HAAO: variants seen among roughly 807,000 people sequenced by gnomAD.
HAAO encodes the protein 3-hydroxyanthranilate oxygenase.
A neutral mutation model predicts 46.2 loss-of-function variants in HAAO; 49 were observed. The ratio of observed to expected loss-of-function variants is 1.06; its 90% CI spans 0.84 to 1.34. The LOEUF (loss-of-function observed/expected upper bound fraction) is 1.34, where lower values mean the gene tolerates loss of function less well. Ranked by LOEUF, HAAO falls within the 40% of genes most tolerant of loss-of-function variation. HAAO has a pLI of 0.00. For missense variants in HAAO, 408 were observed against 364.5 expected (o/e 1.12, Z -0.97); for synonymous variants, 157 against 145.2 (o/e 1.08, Z -0.58).
chr2:42,778,589 A>G (rs1671762536), intron 4 of HAAO, among the ~76,000 whole-genome samples: 1 of 152,086 alleles, frequency 6.6e-6, no homozygotes, highest in Non-Finnish European at 1.5e-5. Context: ...CGGCCTCCCA[A>G]AGTGCTGGAA....
intron 4 of HAAO, among the ~76,000 whole-genome samples, chr2:42,770,913 A>G (rs1671063843): frequency 6.6e-6 from 1 of 152,254 alleles, no homozygotes; most frequent in African/African-American, 2.4e-5. Flanking sequence ...ACAGCCTGTA[A>G]GTGGCGGAAG....
At chr2:42,787,207 C>T (rs1222004680) in intron 2 of HAAO, among the ~76,000 whole-genome samples, 2 of 152,108 alleles carry the variant, frequency 1.3e-5, no homozygotes, top group Non-Finnish European at 2.9e-5. Context: ...CTGGCCAGGC[C>T]CCTCAGGGGA....
At chr2:42,791,660 G>C (rs1672809692) in intron 1 of HAAO, among the ~76,000 whole-genome samples, 1 of 152,148 alleles carries the variant, frequency 6.6e-6, no homozygotes, top group African/African-American at 2.4e-5. Context: ...AAAAACACTT[G>C]GCATAGTCCT....
intron 7 of HAAO, among the ~76,000 whole-genome samples, chr2:42,768,202 C>A (rs1028063042): frequency 1.3e-5 from 2 of 152,216 alleles, no homozygotes; most frequent in African/African-American, 4.8e-5. Flanking sequence ...TGTGCTCATG[C>A]GAAGGCATGC....
intron 4 of HAAO, among the ~76,000 whole-genome samples, chr2:42,779,644 T>C (rs909535389): frequency 1.3e-5 from 2 of 152,262 alleles, no homozygotes; most frequent in East Asian, 1.9e-4. Context: ...TTAGAGCTTA[T>C]TGTTTGGAAC....
chr2:42,788,575 C>T lies in HAAO; in HGVS notation c.113G>A (p.Gly38Glu), dbSNP rs1325822027. ...HQEQLKVMFI[G>E]GPNTRKDYHI... ...ATAGTCCTTCCTGGTGTTGGGGCCT[C>T]CGATGAACATGACTTTGAGCTGCTC... is the stretch of plus-strand genomic sequence containing the variant. Residue 38 changes from glycine to glutamate, a missense_variant, in exon 2 of 10, where the codon GGA (glycine) becomes GAA (glutamate). Coordinates refer to ENST00000294973, the MANE Select transcript of HAAO (RefSeq NM_012205.3). 1 of 1,606,058 alleles carries T rather than the reference C, an allele frequency of 6.2e-7. No individual in the cohort carries two copies. Among genetic ancestry groups the T allele is most frequent in the East Asian group, 2.2e-5 (1 of 44,796 alleles).
Position 42,788,904 on chromosome 2 carries a change from G to T in HAAO, c.81-297C>A, listed in dbSNP as rs953058238. The stretch of plus-strand genomic sequence containing the variant: ...GGTGAATCTATGGCTTCATCAACCA[G>T]GATCACAGGATCAAGATCTCGAATT... On this transcript the variant is annotated intron_variant, in intron 1 of 9. Coordinates refer to ENST00000294973, the MANE Select transcript of HAAO (RefSeq NM_012205.3). 2.9e-5 allele frequency: 11 copies of T among 384,060 alleles called. No homozygotes were observed. In the Admixed American group the frequency reaches 4.0e-4, roughly 14 times the overall value. 23.8% of individuals were successfully genotyped at this position (384,060 alleles called of 1,614,324 possible). A position where few individuals can be genotyped will look rare whatever the true frequency, so the allele number is the denominator to read the frequency against.
chr2:42,777,500 C>G (rs1255138130), intron 4 of HAAO, among the ~76,000 whole-genome samples: 1 of 152,002 alleles, frequency 6.6e-6, no homozygotes, highest in Non-Finnish European at 1.5e-5. Flanking sequence ...CTAAGTGCCT[C>G]TCAAAGTTAG....
At chr2:42,781,828 C>T (rs1039436292) in intron 4 of HAAO, among the ~76,000 whole-genome samples, 1 of 151,962 alleles carries the variant, frequency 6.6e-6, no homozygotes, top group African/African-American at 2.4e-5. Context: ...GAGCCGAGAT[C>T]GTGCCATTGC....
chr2:42,775,362 T>C (rs1367941191), intron 4 of HAAO, among the ~76,000 whole-genome samples: 5 of 151,026 alleles, frequency 3.3e-5, no homozygotes, highest in Non-Finnish European at 5.9e-5. Flanking sequence ...TTGATTTACA[T>C]AAACAAGGCC....
chr2:42,790,679 G>A (rs1247678617), intron 1 of HAAO, among the ~76,000 whole-genome samples: 2 of 151,906 alleles, frequency 1.3e-5, no homozygotes, highest in African/African-American at 2.4e-5. Flanking sequence ...CTACAGGCGC[G>A]TGCCACCACG....
chr2:42,783,513 C>T (rs575839313), intron 3 of HAAO, 93 bp from the exon 4 acceptor site: 13 of 832,926 alleles, frequency 1.6e-5, no homozygotes, highest in East Asian at 1.1e-4. Flanking sequence ...AGCTGACCCC[C>T]GGGCAGCAAA....
rs995439474 is a variant in HAAO at position 42,783,652 on chromosome 2, G to T, written c.243+132C>A. ...GGAAGGATGGGGAAGGGGCAGGTTG[G>T]CAGGGGAAGGTGTGGGAGAGCAGGA... On this transcript the variant is annotated intron_variant, in intron 3 of 9. Transcript: ENST00000294973. 9 of 783,308 alleles carry T rather than the reference G, an allele frequency of 1.1e-5. No individual in the cohort carries two copies. The South Asian group carries it at 1.3e-4, about 11-fold the overall frequency. The allele number at this position is 783,308 out of a possible 1,614,324, so 48.5% of individuals were successfully genotyped here. A position where few individuals can be genotyped will look rare whatever the true frequency, so the allele number is the denominator to read the frequency against.
At chr2:42,772,247 G>A (rs1180592610) in intron 4 of HAAO, among the ~76,000 whole-genome samples, 2 of 152,130 alleles carry the variant, frequency 1.3e-5, no homozygotes, top group South Asian at 2.1e-4. Flanking sequence ...TTGGGAGGCC[G>A]AGGTGGGTGG....
At chr2:42,784,571 C>G (rs1318639343) in intron 2 of HAAO, among the ~76,000 whole-genome samples, 2 of 150,678 alleles carry the variant, frequency 1.3e-5, no homozygotes, top group African/African-American at 2.4e-5. Flanking sequence ...TTTTCCGATT[C>G]CATCCTAAGT....
chr2:42,783,063 T>G (rs1672128331), intron 4 of HAAO: 1 of 550,218 alleles, frequency 1.8e-6, no homozygotes, highest in South Asian at 2.1e-5. Context: ...AGATTCTGAT[T>G]CCAGCCAAAG....
In HAAO at chr2:42,770,197, G is replaced by C. The variant is rs374774681; in HGVS notation, c.441-11C>G. 6.3e-7 allele frequency: 1 copy of C among 1,592,910 alleles called. No individual in the cohort carries two copies. Among genetic ancestry groups the C allele is most frequent in the South Asian group, 1.1e-5 (1 of 88,234 alleles). On this transcript the variant is annotated splice_polypyrimidine_tract_variant and intron_variant, in intron 5 of 9. Transcript: ENST00000294973. The stretch of plus-strand genomic sequence containing the variant: ...TCAGAGCTGAAGAACCTGCAAGGAC[G>C]AACAGGGAGGAGCAGGAGTGGCGAG...
chr2:42,780,294 G>A (rs1451247811), intron 4 of HAAO, among the ~76,000 whole-genome samples: 1 of 149,432 alleles, frequency 6.7e-6, no homozygotes, highest in African/African-American at 2.5e-5. Context: ...TGCAACCTCC[G>A]CCTCCCAGGT....
At position 42,770,339 on chromosome 2, in the gene HAAO, C is replaced by A. The variant is rs1203526072; in HGVS notation, c.441-153G>T. ...CTGTGTGTCTGCCATCCTTTCCCTCCCAGCGGGGCTGCTGCTCCCCCCTCC... is the reference window on the plus strand; with the variant it reads ...CTGTGTGTCTGCCATCCTTTCCCTCACAGCGGGGCTGCTGCTCCCCCCTCC... On this transcript the variant is annotated intron_variant, in intron 5 of 9. Coordinates refer to ENST00000294973, the MANE Select transcript of HAAO (RefSeq NM_012205.3). The A allele has an allele frequency of 4.6e-6, 4 of 870,092 alleles. No homozygotes were observed. The highest frequency in any genetic ancestry group is 7.3e-6 in the Non-Finnish European group (4 of 547,752). 53.9% of individuals were successfully genotyped at this position (870,092 alleles called of 1,614,324 possible).
Sources: gnomAD v4.1 joint callset for allele counts (sites outside exome capture counted in the v4.1 genomes callset) on GRCh38, gnomAD v4.1.1 for gene constraint, MANE v1.5 for transcripts, NCBI Gene and HGNC (gene_info 2026-07-23, HGNC 2026-07-21) for gene names.